The following ZFP82 variants were observed in gnomAD, a reference collection of about 807,000 sequenced individuals.
The protein encoded by ZFP82 is ZFP82 zinc finger protein, also known as zinc finger protein 82 homolog.
In ZFP82, 30 loss-of-function variants were observed where a neutral mutation model predicts 54.0. That is an observed-to-expected ratio of 0.56 (90% confidence interval 0.42 to 0.75). ZFP82 has a LOEUF of 0.75. Ranked by LOEUF, ZFP82 falls within the 30% of genes least tolerant of loss-of-function variation. The pLI, the probability that ZFP82 is intolerant of heterozygous loss-of-function variation, is 0.00. For synonymous variants in ZFP82, 194 were observed against 209.5 expected, an observed-to-expected ratio of 0.93 and a Z score of 0.64; for missense variants, 500 against 636.8, an observed-to-expected ratio of 0.79 and a Z score of 2.31.
chr19:36,404,693 T>C (rs1266974180), intron 4 of ZFP82, among the ~76,000 whole-genome samples: 1 of 152,244 alleles, frequency 6.6e-6, no homozygotes, highest in South Asian at 2.1e-4. Flanking sequence ...CTGTTGAATA[T>C]GTATACTTGG....
In ZFP82 at chr19:36,407,572, A is replaced by G. The variant is rs1375210357; in HGVS notation, c.136+315T>C. On this transcript the variant is annotated intron_variant, in intron 3 of 4. Coordinates refer to ENST00000392161, the MANE Select transcript of ZFP82 (RefSeq NM_133466.4). The stretch of plus-strand genomic sequence containing the variant: ...TCCCTTACAAAATATACCAACAAGC[A>G]ACAAAACATCTAAAGCAGTTCTGAA... Among the ~76,000 whole-genome samples, 3 of 147,072 alleles carry G rather than the reference A, an allele frequency of 2.0e-5. No individual in the cohort carries two copies. The Admixed American group carries it at 2.1e-4, about 10-fold the overall frequency.
Position 36,405,632 on chromosome 19 carries a change from C to T in ZFP82, c.177G>A (p.Glu59=), listed in dbSNP as rs1331066405. ...CAACTTTCCAAGGCTCTTTTCCTTGCTCCAATGAGGAAATCACATCTGGTT... is the reference window on the plus strand; with the variant it reads ...CAACTTTCCAAGGCTCTTTTCCTTGTTCCAATGAGGAAATCACATCTGGTT... ...ISKPDVISSL[E]QGKEPWKVVR... is the part of the protein sequence containing the mutation. The change falls in exon 4 of 5, where the codon GAG becomes GAA. Residue 59 remains glutamate, a synonymous_variant. Coordinates refer to ENST00000392161, the MANE Select transcript of ZFP82 (RefSeq NM_133466.4). 1.2e-6 allele frequency: 2 copies of T among 1,610,886 alleles called. No homozygotes were observed. Among genetic ancestry groups the T allele is most frequent in the Non-Finnish European group, 8.5e-7 (1 of 1,177,700 alleles).
In ZFP82 at chr19:36,392,416, A is replaced by C; in HGVS notation, c.*325T>G. ...ATGTAGATTCCACCTCTTGATTGAA[A>C]GTGTGTCAAACTGCTGCACTCTTAT... On this transcript the variant is annotated 3_prime_UTR_variant, in exon 5 of 5. Transcript: ENST00000392161. 4.8e-6 allele frequency: 1 copy of C among 210,372 alleles called. No individual in the cohort carries two copies. The highest frequency in any genetic ancestry group is 9.5e-6 in the Non-Finnish European group (1 of 105,284). The allele number at this position is 210,372 out of a possible 1,614,324, so 13.0% of individuals were successfully genotyped here.
intron 4 of ZFP82, among the ~76,000 whole-genome samples, chr19:36,396,601 A>T (rs2032298444): frequency 6.6e-6 from 1 of 152,088 alleles, no homozygotes; most frequent in Non-Finnish European, 1.5e-5. Flanking sequence ...GCTTGCAGTG[A>T]GCCGAGATCG....
chr19:36,409,622 G>C (rs2032542359), intron 2 of ZFP82, among the ~76,000 whole-genome samples, 159 bp downstream of exon 2: 1 of 152,134 alleles, frequency 6.6e-6, no homozygotes. Context: ...AGAATAAAGA[G>C]TGTTCATAGG....
At position 36,392,711 on chromosome 19, in the gene ZFP82, T is replaced by C. The variant is rs754716790; in HGVS notation, c.*30A>G. On this transcript the variant is annotated 3_prime_UTR_variant, in exon 5 of 5. Transcript: ENST00000392161. The stretch of plus-strand genomic sequence containing the variant: ...GATTAATTACTACATTCATAGAATG[T>C]TCTATAACACAGAAGTTGAAAAGAC... The C allele has an allele frequency of 6.6e-7, 1 of 1,517,846 alleles. No homozygotes were observed. The highest frequency in any genetic ancestry group is 2.2e-5 in the Admixed American group (1 of 44,900). The allele number at this position is 1,517,846 out of a possible 1,614,324, so 94.0% of individuals were successfully genotyped here.
rs2032184520 is a variant in ZFP82 at position 36,390,772 on chromosome 19, TTTTG to T, written c.*1965_*1968del. ...CATTTGATCTTTGTTTTGTTTTGTTTTTTGTTTTTTGTTTGAGACAGAGTCTCGG... is the reference window on the plus strand; with the variant it reads ...CATTTGATCTTTGTTTTGTTTTGTTTTTTTTTGTTTGAGACAGAGTCTCGG... On this transcript the variant is annotated 3_prime_UTR_variant, in exon 5 of 5. Coordinates refer to ENST00000392161, the MANE Select transcript of ZFP82 (RefSeq NM_133466.4). The T allele has an allele frequency of 1.3e-5, 2 of 151,934 alleles. No individual in the cohort carries two copies. Among genetic ancestry groups the T allele is most frequent in the Non-Finnish European group, 2.9e-5 (2 of 67,938 alleles). 9.4% of individuals were successfully genotyped at this position (151,934 alleles called of 1,614,324 possible).
chr19:36,415,985 T>G (rs1258014447), intron 1 of ZFP82, among the ~76,000 whole-genome samples: 1 of 152,236 alleles, frequency 6.6e-6, no homozygotes, highest in Non-Finnish European at 1.5e-5. Context: ...CAGTTTATCT[T>G]TTTTTCTCCA....
rs1441033708 is a variant in ZFP82 at position 36,393,663 on chromosome 19, TAG to T, written c.675_676del (p.Tyr226Ter). On this transcript the variant is annotated frameshift_variant, in exon 5 of 5. Transcript: ENST00000392161. LOFTEE classifies it high-confidence loss of function. ...AGCTTCCCCACATTCCTTACATTCA[TAG>T]AGTTTTTCACCAGAATGAAGTCTCT... The T allele has an allele frequency of 3.7e-6, 6 of 1,614,066 alleles. No individual in the cohort carries two copies. The highest frequency in any genetic ancestry group is 2.7e-5 in the African/African-American group (2 of 74,928).
Position 36,393,727 on chromosome 19 carries a change from T to A in ZFP82, c.613A>T (p.Met205Leu), listed in dbSNP as rs1266573232. 6.2e-7 allele frequency: 1 copy of A among 1,614,074 alleles called. No individual in the cohort carries two copies. The highest frequency in any genetic ancestry group is 1.1e-5 in the South Asian group (1 of 91,080). Residue 205 changes from methionine to leucine, a missense_variant, in exon 5 of 5, where the codon ATG (methionine) becomes TTG (leucine). Coordinates refer to ENST00000392161, the MANE Select transcript of ZFP82 (RefSeq NM_133466.4). ...AGGTGTGCAGTCTGTCTGAAGGCCA[T>A]CCCACATTCCTTACATTCATACGGT... ...EKPYECKECG[M>L]AFRQTAHLTR...
chr19:36,417,179 A>G (rs749436495), intron 1 of ZFP82, among the ~76,000 whole-genome samples: 2 of 151,204 alleles, frequency 1.3e-5, no homozygotes. Flanking sequence ...CAATTGGCTT[A>G]GTATTTTCAT....
chr19:36,398,718 C>G (rs2032337281), intron 4 of ZFP82, among the ~76,000 whole-genome samples: 1 of 152,062 alleles, frequency 6.6e-6, no homozygotes, highest in Non-Finnish European at 1.5e-5. Flanking sequence ...CAGCGTCACC[C>G]TCTGTCACCA....
In ZFP82 at chr19:36,390,973, T is replaced by C. The variant is rs1440679577; in HGVS notation, c.*1768A>G. ...TTAGTAGAGATGGGGTTTCACCGTG[T>C]TAGCCAGGATGGTCTTGATCTCCTG... is the stretch of plus-strand genomic sequence containing the variant. On this transcript the variant is annotated 3_prime_UTR_variant, in exon 5 of 5. Coordinates refer to ENST00000392161, the MANE Select transcript of ZFP82 (RefSeq NM_133466.4). The C allele has an allele frequency of 6.6e-6, 1 of 152,230 alleles. No individual in the cohort carries two copies. The highest frequency in any genetic ancestry group is 1.5e-5 in the Non-Finnish European group (1 of 68,126). The allele number at this position is 152,230 out of a possible 1,614,324, so 9.4% of individuals were successfully genotyped here.
intron 4 of ZFP82, among the ~76,000 whole-genome samples, chr19:36,397,911 T>C (rs1428721711): frequency 6.6e-6 from 1 of 152,124 alleles, no homozygotes; most frequent in Non-Finnish European, 1.5e-5. Flanking sequence ...TTTAGAAAAA[T>C]ATAATTTATC....
In ZFP82 at chr19:36,407,922, A is replaced by G; in HGVS notation, c.101T>C (p.Val34Ala). Residue 34 changes from valine to alanine, a missense_variant, in exon 3 of 5, where the codon GTC (valine) becomes GCC (alanine). By Grantham distance (64) the Val-to-Ala change is moderately conservative. Transcript: ENST00000392161. ...DLEQKDLYRD[V>A]MLENYSNLVS... ...CAAGTTGCTGTAGTTCTCCAACATG[A>G]CATCTCTGTACAAGTCCTTTTGTTC... 1 of 1,614,136 alleles carries G rather than the reference A, an allele frequency of 6.2e-7. No individual in the cohort carries two copies. Among genetic ancestry groups the G allele is most frequent in the Non-Finnish European group, 8.5e-7 (1 of 1,179,970 alleles).
chr19:36,411,431 T>A (rs889578850), intron 1 of ZFP82, among the ~76,000 whole-genome samples: 4 of 152,078 alleles, frequency 2.6e-5, no homozygotes, highest in African/African-American at 9.7e-5. Flanking sequence ...TACCCATATT[T>A]GCAAGCATGA....
rs928144436 is a variant in ZFP82 at position 36,390,146 on chromosome 19, G to A, written c.*2595C>T. 5.9e-5 allele frequency among the ~76,000 whole-genome samples: 9 copies of A among 152,014 alleles called. No homozygotes were observed. Among genetic ancestry groups the A allele is most frequent in the South Asian group, 2.1e-4 (1 of 4,820 alleles). On this transcript the variant is annotated 3_prime_UTR_variant, in exon 5 of 5. Transcript: ENST00000392161. ...CCCTGCATGCCATGCCATGCCTCCCGTTTGTGGGATCTGCGTATAAACTTC... is the reference window on the plus strand; with the variant it reads ...CCCTGCATGCCATGCCATGCCTCCCATTTGTGGGATCTGCGTATAAACTTC...
At chr19:36,397,076 A>G (rs2032307513) in intron 4 of ZFP82, among the ~76,000 whole-genome samples, 1 of 145,232 alleles carries the variant, frequency 6.9e-6, no homozygotes, top group Non-Finnish European at 1.5e-5. Flanking sequence ...AATAGAAGTA[A>G]TAAAGCATAA....
chr19:36,408,813 G>A (rs550693499), intron 2 of ZFP82, among the ~76,000 whole-genome samples: 1 of 151,250 alleles, frequency 6.6e-6, no homozygotes, highest in Non-Finnish European at 1.5e-5. Context: ...ACAAAACTCC[G>A]TCTCAAAAAA....
Sources: gnomAD v4.1 joint callset for allele counts (sites outside exome capture counted in the v4.1 genomes callset) on GRCh38, gnomAD v4.1.1 for gene constraint, MANE v1.5 for transcripts, NCBI Gene and HGNC (gene_info 2026-07-23, HGNC 2026-07-21) for gene names.